Variants in ZHX2 observed in about 807,000 individuals in gnomAD.
ZHX2 encodes the protein zinc fingers and homeoboxes protein 2.
In ZHX2, 6 loss-of-function variants were observed where a neutral mutation model predicts 21.9. The ratio of observed to expected loss-of-function variants is 0.27; its 90% confidence interval spans 0.15 to 0.54. ZHX2 has a LOEUF of 0.54. Ranked by LOEUF, ZHX2 falls within the 20% of genes least tolerant of loss-of-function variation. ZHX2 has a pLI of 0.95. For synonymous variants in ZHX2, 434 were observed against 437.1 expected, an observed-to-expected ratio of 0.99 and a Z score of 0.09; for missense variants, 908 against 1,090.7, an observed-to-expected ratio of 0.83 and a Z score of 2.36.
At chr8:122,816,058 C>A (rs372524222) in intron 1 of ZHX2, among the ~76,000 whole-genome samples, 2 of 133,258 alleles carry the variant, frequency 1.5e-5, no homozygotes, top group Non-Finnish European at 3.1e-5. Context: ...CCAGCCTGGG[C>A]GACAGAGCAA....
intron 3 of ZHX2, among the ~76,000 whole-genome samples, chr8:122,957,624 T>G (rs1454235180): frequency 6.6e-6 from 1 of 152,132 alleles, no homozygotes; most frequent in Non-Finnish European, 1.5e-5. Flanking sequence ...CGTGCCACCA[T>G]ACCCAGCTAA....
At chr8:122,954,949 G>A (rs923310029) in intron 3 of ZHX2, among the ~76,000 whole-genome samples, 3 of 150,786 alleles carry the variant, frequency 2.0e-5, no homozygotes, top group South Asian at 2.1e-4. Context: ...AAAAGGCTTT[G>A]AAAGTGCTTG....
At chr8:122,846,962 TTA>T (rs1400221627) in intron 1 of ZHX2, among the ~76,000 whole-genome samples, 1 of 152,092 alleles carries the variant, frequency 6.6e-6, no homozygotes, top group African/African-American at 2.4e-5. Flanking sequence ...CATTAAAACA[TTA>T]AAAGAGTTGA....
chr8:122,942,013 C>A (rs558683992), intron 2 of ZHX2, among the ~76,000 whole-genome samples: 3 of 152,312 alleles, frequency 2.0e-5, no homozygotes, highest in Admixed American at 2.0e-4. Flanking sequence ...GGAATTAACT[C>A]TCAGTCACCA....
At chr8:122,793,145 G>A (rs1056664112) in intron 1 of ZHX2, among the ~76,000 whole-genome samples, 1 of 152,206 alleles carries the variant, frequency 6.6e-6, no homozygotes, top group Non-Finnish European at 1.5e-5. Flanking sequence ...ATTTAGCACA[G>A]TGCCTGGCAC....
At chr8:122,843,579 A>G (rs950790234) in intron 1 of ZHX2, among the ~76,000 whole-genome samples, 1 of 152,166 alleles carries the variant, frequency 6.6e-6, no homozygotes, top group African/African-American at 2.4e-5. Context: ...GGATTGTTGC[A>G]TCTATAGCAT....
chr8:122,850,284 C>T (rs187256266), intron 1 of ZHX2, among the ~76,000 whole-genome samples: 12 of 152,220 alleles, frequency 7.9e-5, no homozygotes, highest in African/African-American at 1.4e-4. Flanking sequence ...ATAGGACACA[C>T]GTGAGCAGCT....
intron 1 of ZHX2, among the ~76,000 whole-genome samples, chr8:122,849,839 G>A (rs76561537): frequency 0.01 from 1,526 of 152,220 alleles, 9 homozygotes; most frequent in Middle Eastern, 0.017. Context: ...GGATGATATC[G>A]GTGCCTACCA....
At chr8:122,848,038 C>T (rs957358630) in intron 1 of ZHX2, among the ~76,000 whole-genome samples, 3 of 152,194 alleles carry the variant, frequency 2.0e-5, no homozygotes, top group Non-Finnish European at 4.4e-5. Flanking sequence ...GAAAGTCCGC[C>T]GCAGGGAGCT....
intron 2 of ZHX2, among the ~76,000 whole-genome samples, chr8:122,941,143 AG>A (rs1390634652): frequency 1.3e-5 from 2 of 151,684 alleles, no homozygotes; most frequent in African/African-American, 4.9e-5. Context: ...GCTACTCAGG[AG>A]GCTGAGGTGG....
chr8:122,915,230 C>T (rs1175576083), intron 2 of ZHX2, among the ~76,000 whole-genome samples: 1 of 152,140 alleles, frequency 6.6e-6, no homozygotes, highest in Non-Finnish European at 1.5e-5. Flanking sequence ...CTCCTGATGC[C>T]CCTTCAAAGG....
At chr8:122,887,400 C>A (rs1359358041) in intron 2 of ZHX2, among the ~76,000 whole-genome samples, 3 of 151,858 alleles carry the variant, frequency 2.0e-5, no homozygotes, top group African/African-American at 4.8e-5. Context: ...CGCCTGTAAT[C>A]CCAGCTACTT....
intron 2 of ZHX2, among the ~76,000 whole-genome samples, chr8:122,947,743 G>T (rs931635939): frequency 2.0e-5 from 3 of 152,102 alleles, no homozygotes; most frequent in African/African-American, 7.2e-5. Flanking sequence ...GGTTCTCGGG[G>T]TGGGATGTTC....
At chr8:122,971,012 T>A (rs1196789047) in intron 3 of ZHX2, among the ~76,000 whole-genome samples, 1 of 152,192 alleles carries the variant, frequency 6.6e-6, no homozygotes, top group Non-Finnish European at 1.5e-5. Flanking sequence ...CTGGCCAAGG[T>A]GGAGTCGGGC....
intron 2 of ZHX2, among the ~76,000 whole-genome samples, chr8:122,879,325 G>A (rs1433643948): frequency 6.6e-6 from 1 of 152,122 alleles, no homozygotes; most frequent in African/African-American, 2.4e-5. Context: ...TCCTGCCTCA[G>A]CCTCCCGAGT....
chr8:122,901,130 A>G (rs1051760990), intron 2 of ZHX2, among the ~76,000 whole-genome samples: 1 of 152,224 alleles, frequency 6.6e-6, no homozygotes, highest in Non-Finnish European at 1.5e-5. Flanking sequence ...TTAAGCAAAG[A>G]GTAATACACG....
rs188586673 is a variant in ZHX2 at position 122,954,084 on chromosome 8, G to A, written c.*4+56G>A. 88 of 1,453,638 alleles carry A rather than the reference G, an allele frequency of 6.1e-5. 4 individuals are homozygous for A. The African/African-American group carries it at 7.1e-4, about 12-fold the overall frequency. The allele number at this position is 1,453,638 out of a possible 1,614,324, so 90.0% of individuals were successfully genotyped here. A position where few individuals can be genotyped will look rare whatever the true frequency, so the allele number is the denominator to read the frequency against. ...GGAGAACGCAGCTTGCTTTCTTTTC[G>A]TTGCCAGGGTTAATATAGATTGTAG... On this transcript the variant is annotated intron_variant, in intron 3 of 3. Transcript: ENST00000314393.
intron 2 of ZHX2, among the ~76,000 whole-genome samples, chr8:122,948,779 T>C (rs1313959929): frequency 6.6e-6 from 1 of 152,142 alleles, no homozygotes; most frequent in Non-Finnish European, 1.5e-5. Context: ...AGAAAAATGG[T>C]TAGAATTGTG....
intron 1 of ZHX2, among the ~76,000 whole-genome samples, chr8:122,825,967 C>T (rs1346176205): frequency 3.3e-5 from 5 of 152,210 alleles, no homozygotes; most frequent in Non-Finnish European, 5.9e-5. Context: ...ATACATCTCA[C>T]TTACCAGGGG....
Sources: allele counts gnomAD v4.1 joint callset (sites outside exome capture counted in the v4.1 genomes callset), GRCh38; gene constraint gnomAD v4.1.1; transcripts MANE v1.5; gene names NCBI Gene and HGNC (gene_info 2026-07-23, HGNC 2026-07-21).